GPC5: variants seen among roughly 807,000 people sequenced by gnomAD.
GPC5 encodes the protein glypican-5.
A neutral mutation model predicts 53.9 loss-of-function variants in GPC5; 47 were observed. The ratio of observed to expected loss-of-function variants is 0.87; its 90% CI spans 0.69 to 1.11. The LOEUF (loss-of-function observed/expected upper bound fraction) is 1.11, where lower values mean the gene tolerates loss of function less well. Ranked by LOEUF, GPC5 falls within the 50% of genes most tolerant of loss-of-function variation. GPC5 has a pLI of 0.00. For missense variants in GPC5, 748 were observed against 713.1 expected, an observed-to-expected ratio of 1.05 and a Z score of -0.56; for synonymous variants, 286 against 263.3, an observed-to-expected ratio of 1.09 and a Z score of -0.84.
intron 6 of GPC5, among the ~76,000 whole-genome samples, chr13:91,992,408 A>G (rs1163459065): frequency 6.6e-6 from 1 of 151,966 alleles, no homozygotes; most frequent in Non-Finnish European, 1.5e-5. Context: ...TCCATTTATT[A>G]TGAAAAAAAT....
intron 7 of GPC5, among the ~76,000 whole-genome samples, chr13:92,587,261 A>G (rs1030256190): frequency 1.3e-5 from 2 of 152,216 alleles, no homozygotes; most frequent in African/African-American, 2.4e-5. Flanking sequence ...GTTAATAACT[A>G]CTTACATTTG....
At chr13:91,421,958 G>A (rs1413251367) in intron 1 of GPC5, among the ~76,000 whole-genome samples, 2 of 152,200 alleles carry the variant, frequency 1.3e-5, no homozygotes, top group African/African-American at 4.8e-5. Flanking sequence ...AGCTGGAGAA[G>A]GAAGCATCAC....
At chr13:92,273,791 A>G (rs9516029) in intron 7 of GPC5, among the ~76,000 whole-genome samples, 12,781 of 152,260 alleles carry the variant, frequency 0.084, 596 homozygotes, top group Middle Eastern at 0.12. Flanking sequence ...AAATAGTTAC[A>G]ACCCAAGTAT....
At chr13:92,174,043 T>G in intron 7 of GPC5, among the ~76,000 whole-genome samples, 1 of 151,960 alleles carries the variant, frequency 6.6e-6, no homozygotes, top group African/African-American at 2.4e-5. Flanking sequence ...AGACAGAGGT[T>G]TCAGTGAGCC....
intron 6 of GPC5, among the ~76,000 whole-genome samples, chr13:92,074,854 T>A (rs139967688): frequency 8.5e-5 from 13 of 152,340 alleles, no homozygotes; most frequent in Middle Eastern, 3.4e-3. Context: ...GCTTAAACTC[T>A]GCCATCTGCT....
intron 7 of GPC5, among the ~76,000 whole-genome samples, chr13:92,230,095 T>C (rs377430960): frequency 5.9e-5 from 9 of 152,132 alleles, no homozygotes; most frequent in African/African-American, 1.4e-4. Context: ...CAAAAGGTCA[T>C]TGATCATCAG....
chr13:92,749,926 A>T (rs777571120), intron 7 of GPC5, among the ~76,000 whole-genome samples: 4 of 152,204 alleles, frequency 2.6e-5, no homozygotes, highest in Non-Finnish European at 4.4e-5. Context: ...TGGGAATGTT[A>T]TAGTAGAAGT....
At chr13:92,656,540 G>A (rs1886143649) in intron 7 of GPC5, among the ~76,000 whole-genome samples, 1 of 152,150 alleles carries the variant, frequency 6.6e-6, no homozygotes, top group South Asian at 2.1e-4. Flanking sequence ...TACATTCAAG[G>A]AAACAGATTT....
chr13:92,246,057 T>C (rs192556268), intron 7 of GPC5, among the ~76,000 whole-genome samples: 40 of 152,216 alleles, frequency 2.6e-4, no homozygotes, highest in African/African-American at 9.6e-4. Flanking sequence ...TCACCCATGA[T>C]CACCTCATTG....
intron 6 of GPC5, among the ~76,000 whole-genome samples, chr13:91,915,632 C>T (rs1211508070): frequency 3.3e-5 from 5 of 152,060 alleles, no homozygotes; most frequent in Non-Finnish European, 7.4e-5. Flanking sequence ...AAATGTAAAA[C>T]TTTTATATTT....
chr13:92,284,064 T>C (rs78718966), intron 7 of GPC5, among the ~76,000 whole-genome samples: 12,988 of 152,140 alleles, frequency 0.085, 606 homozygotes, highest in Middle Eastern at 0.12. Flanking sequence ...ATATCACCAC[T>C]GATCCCACAG....
At chr13:92,772,210 A>G (rs1030189778) in intron 7 of GPC5, among the ~76,000 whole-genome samples, 1 of 152,146 alleles carries the variant, frequency 6.6e-6, no homozygotes, top group Non-Finnish European at 1.5e-5. Flanking sequence ...CTAGGCCCAG[A>G]GTCTCTTCCC....
chr13:91,631,454 C>A (rs1007372931), intron 2 of GPC5, among the ~76,000 whole-genome samples: 8 of 152,036 alleles, frequency 5.3e-5, no homozygotes, highest in African/African-American at 2.4e-5. Context: ...GGAGGCAGAA[C>A]CTAGTATGGA....
chr13:91,887,758 C>T (rs1324951756), intron 5 of GPC5, among the ~76,000 whole-genome samples: 2 of 152,170 alleles, frequency 1.3e-5, no homozygotes, highest in African/African-American at 4.8e-5. Flanking sequence ...TCTCCATCTC[C>T]AGCCTGGACA....
intron 2 of GPC5, among the ~76,000 whole-genome samples, chr13:91,670,219 A>C (rs2035212954): frequency 6.6e-6 from 1 of 152,178 alleles, no homozygotes; most frequent in Admixed American, 6.5e-5. Context: ...GCTCTCTGAT[A>C]ATAGAGAAAC....
intron 6 of GPC5, among the ~76,000 whole-genome samples, chr13:92,099,947 C>T (rs971755719): frequency 3.3e-5 from 5 of 152,114 alleles, no homozygotes; most frequent in Non-Finnish European, 5.9e-5. Context: ...TGAGGTCCTC[C>T]TTGAGCCAAA....
chr13:92,436,006 A>G (rs994569105), intron 7 of GPC5, among the ~76,000 whole-genome samples: 2 of 152,142 alleles, frequency 1.3e-5, no homozygotes, highest in African/African-American at 4.8e-5. Flanking sequence ...TTTGTCTTAT[A>G]AAGTTAGTAG....
intron 7 of GPC5, among the ~76,000 whole-genome samples, chr13:92,536,255 G>A (rs1421447022): frequency 1.3e-5 from 2 of 151,972 alleles, no homozygotes; most frequent in Non-Finnish European, 2.9e-5. Flanking sequence ...CTACATTTCC[G>A]ATAGTATTCA....
Position 92,587,795 on chromosome 13 carries a change from AC to A in GPC5, c.1562-278483del, listed in dbSNP as rs1358050030. On this transcript the variant is annotated intron_variant, in intron 7 of 7. Coordinates refer to ENST00000377067, the MANE Select transcript of GPC5 (RefSeq NM_004466.6). ...CTCCTGGAGGCAGCCATGCTCTCAA[AC>A]CCCGTCTCCACCCTCCAGAGTGGTG... Among the ~76,000 whole-genome samples the A allele has an allele frequency of 6.0e-5, 9 of 150,120 alleles. No homozygotes were observed. The East Asian group carries it at 1.8e-3, about 29-fold the overall frequency.
Sources: gnomAD v4.1 joint callset for allele counts (sites outside exome capture counted in the v4.1 genomes callset) on GRCh38, gnomAD v4.1.1 for gene constraint, MANE v1.5 for transcripts, NCBI Gene and HGNC (gene_info 2026-07-23, HGNC 2026-07-21) for gene names.